Variants in KCNB2 observed in about 807,000 individuals in gnomAD.
KCNB2 encodes delayed rectifier potassium channel protein.
In KCNB2, 15 loss-of-function variants were observed where a neutral mutation model predicts 61.5. The observed-to-expected ratio is 0.24, with a 90% CI of 0.16 to 0.38. KCNB2 has a LOEUF of 0.38. Ranked by LOEUF, KCNB2 falls within the 10% of genes least tolerant of loss-of-function variation. KCNB2 has a pLI of 1.00. For missense variants in KCNB2, 828 were observed against 1,125.2 expected (o/e 0.74, Z 3.78); for synonymous variants, 457 against 446.0 (o/e 1.02, Z -0.31).
intron 2 of KCNB2, among the ~76,000 whole-genome samples, chr8:72,687,725 A>G (rs1806873924): frequency 6.6e-6 from 1 of 152,222 alleles, no homozygotes. Flanking sequence ...ATGGTTCTAC[A>G]GTGTCATATT....
At position 72,537,445 on chromosome 8, in the gene KCNB2, G is replaced by A. The variant is rs942437710; in HGVS notation, c.-534G>A. Reference sequence around the variant, plus strand: ...CGAGCGGCAACTCCCGGGCTGGCGCGGCTCGCTTTCTGGCTCCTTCCGCGC... The same window carrying A: ...CGAGCGGCAACTCCCGGGCTGGCGCAGCTCGCTTTCTGGCTCCTTCCGCGC... On this transcript the variant is annotated 5_prime_UTR_variant, in exon 1 of 3. Coordinates refer to ENST00000523207, the MANE Select transcript of KCNB2 (RefSeq NM_004770.3). 2 of 152,736 alleles carry A rather than the reference G, an allele frequency of 1.3e-5. No individual in the cohort carries two copies. The highest frequency in any genetic ancestry group is 6.6e-5 in the Admixed American group (1 of 15,260). 9.5% of individuals were successfully genotyped at this position (152,736 alleles called of 1,614,324 possible). A position where few individuals can be genotyped will look rare whatever the true frequency, so the allele number is the denominator to read the frequency against.
At chr8:72,579,009 A>G (rs1047541058) in intron 2 of KCNB2, among the ~76,000 whole-genome samples, 7 of 152,216 alleles carry the variant, frequency 4.6e-5, no homozygotes, top group African/African-American at 7.2e-5. Flanking sequence ...ATTGCCACCA[A>G]TGGGAACTTG....
chr8:72,781,758 G>A (rs1585890236), intron 2 of KCNB2, among the ~76,000 whole-genome samples: 1 of 152,082 alleles, frequency 6.6e-6, no homozygotes, highest in Non-Finnish European at 1.5e-5. Flanking sequence ...AATGTCAATG[G>A]TAGCATGGAA....
intron 2 of KCNB2, among the ~76,000 whole-genome samples, chr8:72,622,610 G>A (rs1357996189): frequency 6.6e-6 from 1 of 152,116 alleles, no homozygotes; most frequent in Non-Finnish European, 1.5e-5. Context: ...GAATGAAGAA[G>A]GATGTGAATA....
chr8:72,788,198 T>C (rs1031141433), intron 2 of KCNB2, among the ~76,000 whole-genome samples: 15 of 152,184 alleles, frequency 9.9e-5, no homozygotes, highest in Non-Finnish European at 1.8e-4. Flanking sequence ...TTGGTCTCTT[T>C]GGCCTGCATA....
At chr8:72,694,619 G>A (rs964352805) in intron 2 of KCNB2, among the ~76,000 whole-genome samples, 34 of 151,778 alleles carry the variant, frequency 2.2e-4, no homozygotes, top group African/African-American at 7.0e-4. Flanking sequence ...GCAAAATAAA[G>A]GAAAATAAAT....
chr8:72,931,215 T>C (rs1195319223), intron 2 of KCNB2, among the ~76,000 whole-genome samples: 1 of 152,208 alleles, frequency 6.6e-6, no homozygotes, highest in African/African-American at 2.4e-5. Context: ...GTAGTATAGT[T>C]TGAAGTCAGG....
chr8:72,760,275 A>G (rs1014738236), intron 2 of KCNB2, among the ~76,000 whole-genome samples: 3 of 152,206 alleles, frequency 2.0e-5, no homozygotes, highest in Admixed American at 6.5e-5. Flanking sequence ...AGTGAGGACA[A>G]TAATAACTAC....
chr8:72,608,415 GC>G (rs1318428010), intron 2 of KCNB2, among the ~76,000 whole-genome samples: 1 of 152,156 alleles, frequency 6.6e-6, no homozygotes, highest in Non-Finnish European at 1.5e-5. Context: ...AATTACTCTA[GC>G]CCCTGTTTGG....
chr8:72,598,748 CAA>C (rs2128982189), intron 2 of KCNB2, among the ~76,000 whole-genome samples: 1 of 152,306 alleles, frequency 6.6e-6, no homozygotes, highest in South Asian at 2.1e-4. Flanking sequence ...GCAACTTCAG[CAA>C]AGTCTTAAGA....
intron 2 of KCNB2, among the ~76,000 whole-genome samples, chr8:72,699,080 G>C (rs1807068423): frequency 6.6e-6 from 1 of 152,036 alleles, no homozygotes; most frequent in Non-Finnish European, 1.5e-5. Context: ...ATACAGAATG[G>C]AAGAAAATAT....
intron 1 of KCNB2, among the ~76,000 whole-genome samples, chr8:72,549,394 G>A (rs1156773360): frequency 3.3e-5 from 5 of 152,174 alleles, no homozygotes; most frequent in African/African-American, 4.8e-5. Flanking sequence ...ACAATCAAAT[G>A]AAGAGTGCGA....
rs577937483 is a variant in KCNB2, at chr8:72,846,981, A to T, written c.580-88954A>T. The stretch of plus-strand genomic sequence containing the variant: ...ATGTATGTTTATTGCAGCACTATTC[A>T]CAATAGCAAAGACTTGGAACCAACC... On this transcript the variant is annotated intron_variant, in intron 2 of 2. Transcript: ENST00000523207. Among the ~76,000 whole-genome samples the T allele has an allele frequency of 2.6e-5, 4 of 152,338 alleles. No homozygotes were observed. The South Asian group carries it at 8.3e-4, about 32-fold the overall frequency.
intron 2 of KCNB2, among the ~76,000 whole-genome samples, chr8:72,849,035 A>G (rs1027222090): frequency 6.7e-6 from 1 of 150,074 alleles, no homozygotes; most frequent in Non-Finnish European, 1.5e-5. Context: ...TATATATGCT[A>G]TATTAATATA....
chr8:72,739,131 A>C (rs1386988088), intron 2 of KCNB2, among the ~76,000 whole-genome samples: 2 of 152,008 alleles, frequency 1.3e-5, no homozygotes, highest in Non-Finnish European at 2.9e-5. Flanking sequence ...ATATCACCCC[A>C]TAATCACTCT....
intron 1 of KCNB2, among the ~76,000 whole-genome samples, chr8:72,565,141 G>GTA (rs71566822): frequency 0.54 from 80,438 of 149,418 alleles, 23,943 homozygotes; most frequent in Non-Finnish European, 0.66. Flanking sequence ...AAATGTGTGT[G>GTA]TATATATATA....
intron 2 of KCNB2, among the ~76,000 whole-genome samples, chr8:72,577,312 T>TGC (rs879832065): frequency 1.3e-5 from 2 of 151,650 alleles, no homozygotes; most frequent in Admixed American, 1.3e-4. Flanking sequence ...TGTATGTGTG[T>TGC]GTGTGTGTGA....
At chr8:72,725,569 A>ATG (rs1563571978) in intron 2 of KCNB2, among the ~76,000 whole-genome samples, 27 of 67,932 alleles carry the variant, frequency 4.0e-4, no homozygotes, top group South Asian at 1.2e-3. Flanking sequence ...ATATATGTAT[A>ATG]TATATGTATA....
intron 2 of KCNB2, among the ~76,000 whole-genome samples, chr8:72,761,448 T>C (rs559686105): frequency 6.6e-6 from 1 of 152,324 alleles, no homozygotes; most frequent in South Asian, 2.1e-4. Context: ...AACCCAGCTC[T>C]TTCTCTCTTG....
Sources: gnomAD v4.1 joint callset for allele counts (sites outside exome capture counted in the v4.1 genomes callset) on GRCh38, gnomAD v4.1.1 for gene constraint, MANE v1.5 for transcripts, NCBI Gene and HGNC (gene_info 2026-07-23, HGNC 2026-07-21) for gene names.